C16orf96: variants seen among roughly 807,000 people sequenced by gnomAD.
The protein encoded by C16orf96 is uncharacterized protein C16orf96.
Under a neutral mutation model 103.6 loss-of-function variants are expected in C16orf96, and 108 were observed. The ratio of observed to expected loss-of-function variants is 1.04; its 90% CI spans 0.89 to 1.22. C16orf96 has a LOEUF of 1.22. Ranked by LOEUF, C16orf96 falls within the 50% of genes most tolerant of loss-of-function variation. The pLI is 0.00. For synonymous variants in C16orf96, 566 were observed against 593.5 expected (o/e 0.95, Z 0.67); for missense variants, 1,586 against 1,464.2 (o/e 1.08, Z -1.36).
the C16orf96 span, among the ~76,000 whole-genome samples, chr16:4,547,604 T>G: frequency 6.6e-6 from 1 of 151,160 alleles, no homozygotes; most frequent in African/African-American, 2.5e-5. Context: ...CTCTCCTCTT[T>G]CCTTCCTTTC....
chr16:4,578,608 A>T (rs918577811), intron 5 of C16orf96, among the ~76,000 whole-genome samples: 1 of 151,998 alleles, frequency 6.6e-6, no homozygotes, highest in Non-Finnish European at 1.5e-5. Context: ...AAATACAAAA[A>T]TTAGCTGGGC....
chr16:4,541,889 G>A, the C16orf96 span, among the ~76,000 whole-genome samples: 11 of 152,182 alleles, frequency 7.2e-5, no homozygotes, highest in African/African-American at 1.9e-4. Flanking sequence ...CAAAAATGTT[G>A]TGTCCACAGG....
At chr16:4,561,197 C>G (rs569135233) in intron 1 of C16orf96, 1 of 151,460 alleles carries the variant, frequency 6.6e-6, no homozygotes, top group South Asian at 2.1e-4. Flanking sequence ...ATCCCAGCTA[C>G]TGGGGAGGCT....
At chr16:4,591,387 A>G (rs1897055957) in intron 9 of C16orf96, among the ~76,000 whole-genome samples, 1 of 151,866 alleles carries the variant, frequency 6.6e-6, no homozygotes, top group African/African-American at 2.4e-5. Context: ...CCTGCAGCTG[A>G]GCTTGGTTTG....
chr16:4,550,749 C>T, the C16orf96 span, among the ~76,000 whole-genome samples: 4 of 152,222 alleles, frequency 2.6e-5, no homozygotes, highest in African/African-American at 9.6e-5. Flanking sequence ...CATGGTGCTG[C>T]TCACTGCCCA....
intron 7 of C16orf96, among the ~76,000 whole-genome samples, chr16:4,585,289 T>TA (rs1567452887): frequency 2.0e-4 from 3 of 15,210 alleles, no homozygotes; most frequent in African/African-American, 6.6e-4. Flanking sequence ...CCCCTGTCTC[T>TA]ACAAAAAAAA....
upstream of C16orf96, among the ~76,000 whole-genome samples, chr16:4,553,987 G>C (rs554215080): frequency 1.3e-5 from 2 of 152,096 alleles, no homozygotes; most frequent in Admixed American, 1.3e-4. Flanking sequence ...TGTGTGGCGC[G>C]GGACCAGGAA....
intron 1 of C16orf96, chr16:4,562,873 C>G (rs1352399498): frequency 1.9e-5 from 27 of 1,397,294 alleles, no homozygotes; most frequent in Admixed American, 5.2e-5. Flanking sequence ...CTCCATTGTT[C>G]TGGATTTAAA....
chr16:4,597,131 G>A (rs776807892), intron 14 of C16orf96, among the ~76,000 whole-genome samples: 16 of 152,248 alleles, frequency 1.1e-4, no homozygotes, highest in Admixed American at 2.0e-4. Flanking sequence ...GCCAGACACC[G>A]TCTCAAACCC....
In C16orf96 at chr16:4,575,017, A is replaced by G. The variant is rs977527216; in HGVS notation, c.652A>G (p.Met218Val). ...KFKTIPKTED[M>V]VLWSGLHDAM... ...TAAAACCATCCCCAAAACCGAGGAC[A>G]TGGTGCTCTGGAGTGGCCTTCATGA... The change falls in exon 4 of 16, where the codon ATG becomes GTG. Residue 218 changes from methionine (M) to valine (V), a missense_variant. Coordinates refer to ENST00000444310, the MANE Select transcript of C16orf96 (RefSeq NM_001145011.2). 5.8e-6 allele frequency: 9 copies of G among 1,551,372 alleles called. No individual in the cohort carries two copies. Among genetic ancestry groups the G allele is most frequent in the South Asian group, 1.2e-5 (1 of 84,072 alleles).
chr16:4,547,645 TTTCTTTCC>T, the C16orf96 span, among the ~76,000 whole-genome samples: 4 of 51,564 alleles, frequency 7.8e-5, no homozygotes, highest in South Asian at 1.5e-3. Context: ...TCTGTCTTTC[TTTCTTTCC>T]TTCCTTCCTT....
the C16orf96 span, among the ~76,000 whole-genome samples, chr16:4,548,972 C>G: frequency 6.6e-6 from 1 of 151,850 alleles, no homozygotes; most frequent in Admixed American, 6.6e-5. Flanking sequence ...GTGGTGGAGT[C>G]CCTTCCTTGC....
chr16:4,575,916 C>G lies in C16orf96; in HGVS notation c.1436C>G (p.Pro479Arg), dbSNP rs1257959602. Reference protein sequence around the residue: ...LRERARKDGAPKDRTRKDGVP... With the variant: ...LRERARKDGARKDRTRKDGVP... ...GAGAGGGCCCGCAAGGATGGGGCCC[C>G]CAAGGATAGAACTCGCAAGGATGGG... The change falls in exon 5 of 16, where the codon CCC becomes CGC. Residue 479 changes from proline to arginine, a missense_variant. Transcript: ENST00000444310. 6 of 1,551,440 alleles carry G rather than the reference C, an allele frequency of 3.9e-6. No individual in the cohort carries two copies. In the East Asian group the frequency reaches 1.5e-4, roughly 38 times the overall value.
chr16:4,575,235 T>G lies in C16orf96; in HGVS notation c.755T>G (p.Leu252Arg). ...QSVEQLPEAA[L>R]AQTTKYLEAT... ...GTAGAGCAGCTCCCAGAGGCTGCCC[T>G]GGCCCAGACCACCAAGTACCTTGAA... Residue 252 changes from leucine (L) to arginine (R), a missense_variant, in exon 5 of 16, where the codon CTG becomes CGG. Leu to Arg is a moderately radical substitution (Grantham distance 102). Transcript: ENST00000444310. 1 of 1,548,618 alleles carries G rather than the reference T, an allele frequency of 6.5e-7. No homozygotes were observed. The highest frequency in any genetic ancestry group is 8.7e-7 in the Non-Finnish European group (1 of 1,146,974).
At chr16:4,539,285 T>C in the C16orf96 span, among the ~76,000 whole-genome samples, 5 of 152,214 alleles carry the variant, frequency 3.3e-5, no homozygotes, top group Non-Finnish European at 4.4e-5. Context: ...TATAGTTTAA[T>C]ATTGAAACAA....
At position 4,600,568 on chromosome 16, in the gene C16orf96, T is replaced by C. The variant is rs1897263774; in HGVS notation, c.*251T>C. 3 of 414,736 alleles carry C rather than the reference T, an allele frequency of 7.2e-6. No individual in the cohort carries two copies. The highest frequency in any genetic ancestry group is 1.3e-5 in the Non-Finnish European group (3 of 227,256). The allele number at this position is 414,736 out of a possible 1,614,324, so 25.7% of individuals were successfully genotyped here. A position where few individuals can be genotyped will look rare whatever the true frequency, so the allele number is the denominator to read the frequency against. ...CCCCCCCCACCCCCACCAAGTCCCG[T>C]CCCCGGCTGAGACCCAGGGCCCTGA... On this transcript the variant is annotated 3_prime_UTR_variant, in exon 16 of 16. Coordinates refer to ENST00000444310, the MANE Select transcript of C16orf96 (RefSeq NM_001145011.2).
Position 4,593,565 on chromosome 16 carries a change from C to T in C16orf96, c.2867+249C>T, listed in dbSNP as rs992498701. ...CTATTGTGGGCCAGGAACTGTTAGA[C>T]GGTTTCTTATTTAAATCTCACAACC... On this transcript the variant is annotated intron_variant, in intron 12 of 15. Transcript: ENST00000444310. The surrounding 1 kb of genome is among the most constrained non-coding windows in gnomAD (Gnocchi z 4.2). Among the ~76,000 whole-genome samples the T allele has an allele frequency of 2.0e-5, 3 of 151,662 alleles. No individual in the cohort carries two copies. The highest frequency in any genetic ancestry group is 7.3e-5 in the African/African-American group (3 of 41,292).
chr16:4,558,994 A>AGAATCACTTGAGCCTGGAAGGCAGGT (rs2059299126), intron 1 of C16orf96, among the ~76,000 whole-genome samples: 2 of 151,366 alleles, frequency 1.3e-5, no homozygotes, highest in African/African-American at 4.9e-5. Flanking sequence ...CTGAGGCAGG[A>AGAATCACTTGAGCCTGGAAGGCAGGT]GAATCACTTG....
At chr16:4,545,323 C>T in the C16orf96 span, among the ~76,000 whole-genome samples, 1 of 152,156 alleles carries the variant, frequency 6.6e-6, no homozygotes, top group Non-Finnish European at 1.5e-5. Flanking sequence ...CCTCCTGTCT[C>T]AGCCTCCCAA....
Sources: allele counts gnomAD v4.1 joint callset (sites outside exome capture counted in the v4.1 genomes callset), GRCh38; gene constraint gnomAD v4.1.1; non-coding constraint Gnocchi (gnomAD v3.1); transcripts MANE v1.5; gene names NCBI Gene and HGNC (gene_info 2026-07-23, HGNC 2026-07-21).